PATJ: variants seen among roughly 807,000 people sequenced by gnomAD.
PATJ encodes the protein inaD-like protein.
Under a neutral mutation model 224.9 loss-of-function variants are expected in PATJ, and 190 were observed. The observed-to-expected ratio is 0.84, with a 90% CI of 0.75 to 0.95. The LOEUF is 0.95. Ranked by LOEUF, PATJ falls within the 40% of genes least tolerant of loss-of-function variation. PATJ has a pLI of 0.00. For synonymous variants in PATJ, 769 were observed against 820.3 expected (o/e 0.94, Z 1.07); for missense variants, 2,121 against 2,270.3 (o/e 0.93, Z 1.34).
At chr1:61,877,956 A>G (rs1667562751) in intron 21 of PATJ, among the ~76,000 whole-genome samples, 1 of 152,158 alleles carries the variant, frequency 6.6e-6, no homozygotes. Flanking sequence ...AGCTCTGTAA[A>G]GTGTAACTGC....
chr1:61,913,923 A>G (rs1557867996), intron 25 of PATJ, among the ~76,000 whole-genome samples: 1 of 152,250 alleles, frequency 6.6e-6, no homozygotes, highest in Non-Finnish European at 1.5e-5. Flanking sequence ...TGTTTGGACT[A>G]CAGTCAGTAT....
At chr1:61,828,049 C>T (rs1425257032) in intron 16 of PATJ, among the ~76,000 whole-genome samples, 1 of 151,970 alleles carries the variant, frequency 6.6e-6, no homozygotes, top group South Asian at 2.1e-4. Context: ...GAGTTGGAGA[C>T]CAGCCTGACC....
At chr1:61,816,295 A>C (rs1226011344) in intron 14 of PATJ, 1 of 152,058 alleles carries the variant, frequency 6.6e-6, no homozygotes, top group Non-Finnish European at 1.5e-5. Context: ...TAGTAACCTT[A>C]TTGGTCAGCA....
intron 37 of PATJ, among the ~76,000 whole-genome samples, chr1:62,119,726 G>A (rs1664840851): frequency 1.3e-5 from 2 of 152,118 alleles, no homozygotes; most frequent in South Asian, 4.1e-4. Flanking sequence ...GATCACTTGA[G>A]GGCAGGAATT....
In PATJ at chr1:61,753,507, C is replaced by A. The variant is rs1645445260; in HGVS notation, c.-35-9351C>A. Reference sequence around the variant, plus strand: ...CCTTACTTTGCCTAAATTCTTGATTCTATTACATATTTTTTTTTTTTTTGA... The same window carrying A: ...CCTTACTTTGCCTAAATTCTTGATTATATTACATATTTTTTTTTTTTTTGA... On this transcript the variant is annotated intron_variant, in intron 1 of 43. Transcript: ENST00000642238. Among the ~76,000 whole-genome samples, 5 of 109,770 alleles carry A rather than the reference C, an allele frequency of 4.6e-5. No individual in the cohort carries two copies. In the South Asian group the frequency reaches 1.8e-3, roughly 39 times the overall value. 72.0% of individuals were successfully genotyped at this position (109,770 alleles called of 152,430 possible).
intron 3 of PATJ, 75 bp downstream of exon 3, chr1:61,763,254 A>G (rs1162047446): frequency 1.2e-6 from 1 of 863,782 alleles, no homozygotes; most frequent in Non-Finnish European, 1.6e-6. Flanking sequence ...GATAGAGGAG[A>G]TAGACAAAGA....
chr1:61,887,232 A>G (rs1669016611), intron 22 of PATJ, among the ~76,000 whole-genome samples: 1 of 152,104 alleles, frequency 6.6e-6, no homozygotes, highest in African/African-American at 2.4e-5. Flanking sequence ...CACACTTGGA[A>G]TCACCTTGGA....
chr1:62,086,227 CAT>C lies in PATJ; in HGVS notation c.4377+1580_4377+1581del, dbSNP rs530542565. ...TTACTCAAGATGTGATTAATTAATG[CAT>C]GTGTGTGTGTGTGTATGTGTGTGTG... On this transcript the variant is annotated intron_variant, in intron 33 of 43. Coordinates refer to ENST00000642238, the MANE Select transcript of PATJ (RefSeq NM_001350145.3). The surrounding 1 kb of genome is among the most constrained non-coding windows in gnomAD (Gnocchi z 4.0). Among the ~76,000 whole-genome samples the C allele has an allele frequency of 3.2e-3, 404 of 126,354 alleles. 4 individuals carry two copies. Among genetic ancestry groups the C allele is most frequent in the African/African-American group, 0.014 (381 of 26,930 alleles). 82.9% of individuals were successfully genotyped at this position (126,354 alleles called of 152,430 possible).
At position 62,050,089 on chromosome 1, in the gene PATJ, C is replaced by T. The variant is rs370179170; in HGVS notation, c.4033-877C>T. 2.9e-5 allele frequency among the ~76,000 whole-genome samples: 4 copies of T among 139,602 alleles called. No homozygotes were observed. The East Asian group carries it at 8.0e-4, about 28-fold the overall frequency. The allele number at this position is 139,602 out of a possible 152,430, so 91.6% of individuals were successfully genotyped here. A position where few individuals can be genotyped will look rare whatever the true frequency, so the allele number is the denominator to read the frequency against. On this transcript the variant is annotated intron_variant, in intron 30 of 43. Coordinates refer to ENST00000642238, the MANE Select transcript of PATJ (RefSeq NM_001350145.3). ...GGAGGTCGTGCCACTGCACTGCAGC[C>T]TTGGCGATAGAGTGAGACTGTCTGC... is the stretch of plus-strand genomic sequence containing the variant.
intron 27 of PATJ, among the ~76,000 whole-genome samples, chr1:61,968,360 G>A (rs974757536): frequency 2.6e-5 from 4 of 152,056 alleles, no homozygotes; most frequent in Admixed American, 6.6e-5. Context: ...AACGTTAGCC[G>A]TAAATACCTT....
rs1366158226 is a variant in PATJ, at chr1:61,977,081, TTTTG to T, written c.3671-13078_3671-13075del. ...AACAAGGTCCTCACATGATAGTATT[TTTTG>T]TTTGTTTGCTTGTTTTTTTAGAGAT... is the stretch of plus-strand genomic sequence containing the variant. On this transcript the variant is annotated intron_variant, in intron 27 of 43. Coordinates refer to ENST00000642238, the MANE Select transcript of PATJ (RefSeq NM_001350145.3). 1.4e-4 allele frequency among the ~76,000 whole-genome samples: 21 copies of T among 152,166 alleles called. 1 individual carries two copies. The highest frequency in any genetic ancestry group is 4.8e-4 in the African/African-American group (20 of 41,430).
intron 21 of PATJ, among the ~76,000 whole-genome samples, chr1:61,882,379 C>CA (rs1175017340): frequency 6.6e-6 from 1 of 151,884 alleles, no homozygotes; most frequent in Non-Finnish European, 1.5e-5. Flanking sequence ...TGCTAGGTGA[C>CA]AAAAAACAAT....
At chr1:62,134,203 T>TC (rs1318716878) in intron 41 of PATJ, among the ~76,000 whole-genome samples, 1 of 145,568 alleles carries the variant, frequency 6.9e-6, no homozygotes, top group African/African-American at 2.5e-5. Context: ...CGTACTCTCG[T>TC]CTTTTTTTTT....
At chr1:62,000,213 T>TTTA (rs1186779377) in intron 28 of PATJ, among the ~76,000 whole-genome samples, 10 of 149,888 alleles carry the variant, frequency 6.7e-5, no homozygotes, top group African/African-American at 2.4e-4. Flanking sequence ...TTTTTTTTTT[T>TTTA]ATACTTTAAG....
chr1:61,915,419 T>C (rs1673309577), intron 26 of PATJ, among the ~76,000 whole-genome samples: 1 of 152,224 alleles, frequency 6.6e-6, no homozygotes, highest in Admixed American at 6.5e-5. Flanking sequence ...TCAATCTTTT[T>C]TCCTGATAGA....
At chr1:61,966,221 C>T (rs1297781120) in intron 27 of PATJ, among the ~76,000 whole-genome samples, 2 of 151,798 alleles carry the variant, frequency 1.3e-5, no homozygotes, top group Admixed American at 1.3e-4. Context: ...TTGAAGTAGA[C>T]TTTGGGTGCT....
intron 11 of PATJ, among the ~76,000 whole-genome samples, chr1:61,800,304 G>A (rs1248378598): frequency 6.6e-6 from 1 of 152,186 alleles, no homozygotes; most frequent in Admixed American, 6.5e-5. Context: ...TGACTGATAT[G>A]AGATGGTATC....
chr1:62,025,010 C>G (rs1039484116), intron 29 of PATJ, among the ~76,000 whole-genome samples: 4 of 152,158 alleles, frequency 2.6e-5, no homozygotes, highest in African/African-American at 4.8e-5. Context: ...ATCCTATAGC[C>G]TATCAATTTT....
chr1:61,835,192 A>G (rs1659969014), intron 17 of PATJ, among the ~76,000 whole-genome samples: 1 of 152,216 alleles, frequency 6.6e-6, no homozygotes, highest in South Asian at 2.1e-4. Flanking sequence ...TGGAAAATAT[A>G]TTTATCAAGA....
Sources: allele counts gnomAD v4.1 joint callset (sites outside exome capture counted in the v4.1 genomes callset), GRCh38; gene constraint gnomAD v4.1.1; non-coding constraint Gnocchi (gnomAD v3.1); transcripts MANE v1.5; gene names NCBI Gene and HGNC (gene_info 2026-07-23, HGNC 2026-07-21).